Variants in DDX10 observed in about 807,000 individuals in gnomAD.
The protein encoded by DDX10 is DEAD-box helicase 10, also known as probable ATP-dependent RNA helicase DDX10.
DDX10 carries 74 observed loss-of-function variants against 104.3 expected under a neutral mutation model. The observed-to-expected ratio is 0.71, with a 90% CI of 0.59 to 0.86. The LOEUF is 0.86. DDX10 is among the 40% of genes least tolerant of loss of function. DDX10 has a pLI of 0.00. For synonymous variants in DDX10, 351 were observed against 353.4 expected (o/e 0.99, Z 0.08); for missense variants, 952 against 1,040.0 (o/e 0.92, Z 1.16).
At chr11:108,798,333 T>C (rs1404600470) in intron 13 of DDX10, among the ~76,000 whole-genome samples, 1 of 152,230 alleles carries the variant, frequency 6.6e-6, no homozygotes, top group Non-Finnish European at 1.5e-5. Context: ...TAACCATCTT[T>C]AAGTGTATGA....
intron 13 of DDX10, among the ~76,000 whole-genome samples, chr11:108,819,868 G>C (rs1436759184): frequency 2.0e-5 from 3 of 152,080 alleles, no homozygotes; most frequent in Non-Finnish European, 4.4e-5. Flanking sequence ...CAAAGTGCTG[G>C]AGATTACAGG....
intron 17 of DDX10, among the ~76,000 whole-genome samples, chr11:108,926,137 T>C (rs1863905605): frequency 6.6e-6 from 1 of 152,060 alleles, no homozygotes; most frequent in South Asian, 2.1e-4. Flanking sequence ...GTATGATGTT[T>C]AATTTTTTTT....
intron 9 of DDX10, among the ~76,000 whole-genome samples, chr11:108,701,046 G>C (rs111479897): frequency 2.6e-5 from 4 of 151,962 alleles, no homozygotes; most frequent in African/African-American, 9.7e-5. Context: ...TCACTGTTGG[G>C]CCTGACATGG....
At chr11:108,721,660 T>C (rs1268658737) in intron 12 of DDX10, among the ~76,000 whole-genome samples, 1 of 152,216 alleles carries the variant, frequency 6.6e-6, no homozygotes, top group Non-Finnish European at 1.5e-5. Flanking sequence ...GATATTTAGC[T>C]ATGTTGTTTC....
intron 14 of DDX10, among the ~76,000 whole-genome samples, chr11:108,839,583 C>A (rs551050711): frequency 8.5e-5 from 13 of 152,260 alleles, no homozygotes; most frequent in Non-Finnish European, 1.2e-4. Context: ...TCATATATTT[C>A]ATCATCATTA....
chr11:108,701,707 G>A (rs1208799301), intron 9 of DDX10, among the ~76,000 whole-genome samples: 4 of 79,522 alleles, frequency 5.0e-5, no homozygotes, highest in African/African-American at 1.8e-4. Context: ...TTTTGTGACT[G>A]AGTGTCTGTG....
At chr11:108,824,273 C>T (rs540824992) in intron 13 of DDX10, among the ~76,000 whole-genome samples, 1 of 152,218 alleles carries the variant, frequency 6.6e-6, no homozygotes, top group East Asian at 1.9e-4. Context: ...GAACTCGTGA[C>T]CTCAAGCGAT....
At chr11:108,780,672 C>T (rs552839289) in intron 13 of DDX10, among the ~76,000 whole-genome samples, 2 of 152,306 alleles carry the variant, frequency 1.3e-5, no homozygotes, top group South Asian at 4.1e-4. Context: ...ATAATACTTT[C>T]TCAGTATTCT....
intron 6 of DDX10, among the ~76,000 whole-genome samples, chr11:108,681,505 T>C (rs2094235205): frequency 6.6e-6 from 1 of 152,214 alleles, no homozygotes; most frequent in African/African-American, 2.4e-5. Context: ...TTTTCCACTT[T>C]AGTAGCTTAT....
chr11:108,745,056 CCCCCT>C, intron 13 of DDX10, among the ~76,000 whole-genome samples: 2 of 98,162 alleles, frequency 2.0e-5, no homozygotes, highest in Non-Finnish European at 4.0e-5. Flanking sequence ...CTTCCCCCTT[CCCCCT>C]TCCCCCTTCC....
In DDX10 at chr11:108,841,242, A is replaced by G. The variant is rs1271407024; in HGVS notation, c.2086-73A>G. The G allele has an allele frequency of 3.1e-6, 4 of 1,307,318 alleles. No individual in the cohort carries two copies. The African/African-American group carries it at 4.4e-5, about 14-fold the overall frequency. The allele number at this position is 1,307,318 out of a possible 1,614,324, so 81.0% of individuals were successfully genotyped here. On this transcript the variant is annotated intron_variant, in intron 14 of 17. Coordinates refer to ENST00000322536, the MANE Select transcript of DDX10 (RefSeq NM_004398.4). ...TGGGTATCTGCACCTTTTCAGAATC[A>G]TCAGACAAAATGAAGTGTCTTTCTG...
chr11:108,803,838 T>C (rs141878332), intron 13 of DDX10, among the ~76,000 whole-genome samples: 1 of 152,294 alleles, frequency 6.6e-6, no homozygotes, highest in East Asian at 1.9e-4. Context: ...CAAATGCTCA[T>C]GTGTTAGAAA....
chr11:108,702,090 A>G (rs981399172), intron 9 of DDX10, among the ~76,000 whole-genome samples: 2 of 147,318 alleles, frequency 1.4e-5, no homozygotes, highest in Non-Finnish European at 3.0e-5. Context: ...CTCAAATTTA[A>G]TAAGATAAGG....
intron 13 of DDX10, among the ~76,000 whole-genome samples, chr11:108,733,338 C>T (rs772812806): frequency 3.9e-5 from 6 of 152,076 alleles, no homozygotes; most frequent in East Asian, 1.9e-4. Context: ...AGTTACCTAA[C>T]GGATGCCAGG....
chr11:108,698,882 G>T (rs999973597), intron 9 of DDX10, among the ~76,000 whole-genome samples: 4 of 152,136 alleles, frequency 2.6e-5, no homozygotes, highest in African/African-American at 9.7e-5. Context: ...TGTGCCAGGC[G>T]TGCTTTTGCC....
intron 7 of DDX10, among the ~76,000 whole-genome samples, chr11:108,689,853 T>C (rs2094249709): frequency 2.6e-5 from 4 of 152,340 alleles, no homozygotes; most frequent in African/African-American, 9.6e-5. Flanking sequence ...GATGGGTTTC[T>C]CTCTAGCTTA....
intron 13 of DDX10, among the ~76,000 whole-genome samples, chr11:108,804,690 G>A (rs1862073203): frequency 6.6e-6 from 1 of 152,112 alleles, no homozygotes; most frequent in East Asian, 1.9e-4. Context: ...AGCTTGACTG[G>A]AGCAGAATCC....
intron 9 of DDX10, among the ~76,000 whole-genome samples, chr11:108,705,338 G>C (rs1418474810): frequency 6.6e-6 from 1 of 152,136 alleles, no homozygotes; most frequent in East Asian, 1.9e-4. Flanking sequence ...ACTGCCTAGG[G>C]GGACAGCTTT....
intron 13 of DDX10, among the ~76,000 whole-genome samples, chr11:108,742,791 G>T (rs1365634747): frequency 6.6e-6 from 1 of 152,130 alleles, no homozygotes; most frequent in Non-Finnish European, 1.5e-5. Flanking sequence ...AAACCTAGAA[G>T]AAATGGATAA....
Sources: allele counts gnomAD v4.1 joint callset (sites outside exome capture counted in the v4.1 genomes callset), GRCh38; gene constraint gnomAD v4.1.1; transcripts MANE v1.5; gene names NCBI Gene and HGNC (gene_info 2026-07-23, HGNC 2026-07-21).